MAPK8IP3: variants seen among roughly 807,000 people sequenced by gnomAD.
The protein encoded by MAPK8IP3 is mitogen-activated protein kinase 8 interacting protein 3, also known as C-Jun-amino-terminal kinase-interacting protein 3.
A neutral mutation model predicts 157.8 loss-of-function variants in MAPK8IP3; 49 were observed. That is an observed-to-expected ratio of 0.31 (90% CI 0.25 to 0.39). MAPK8IP3 has a LOEUF of 0.39. MAPK8IP3 is among the 10% of genes least tolerant of loss of function. The probability of loss-of-function intolerance (pLI) is 1.00; values close to 1 mark genes in which losing one functional copy is unlikely to be tolerated. For missense variants in MAPK8IP3, 1,478 were observed against 1,889.4 expected, an observed-to-expected ratio of 0.78 and a Z score of 4.04; for synonymous variants, 897 against 777.7, an observed-to-expected ratio of 1.15 and a Z score of -2.55.
chr16:1,757,888 A>C (rs1324834956), intron 8 of MAPK8IP3, among the ~76,000 whole-genome samples: 2 of 152,172 alleles, frequency 1.3e-5, no homozygotes, highest in Non-Finnish European at 2.9e-5. Flanking sequence ...AGAGGGCAGC[A>C]GGCTTCCGGG....
At chr16:1,737,583 C>CAT in intron 4 of MAPK8IP3, among the ~76,000 whole-genome samples, 1 of 64,294 alleles carries the variant, frequency 1.6e-5, no homozygotes, top group South Asian at 1.0e-3. Flanking sequence ...TGTGACCGTC[C>CAT]GTGAGCATCC....
At chr16:1,713,317 G>A (rs1044960692) in intron 1 of MAPK8IP3, among the ~76,000 whole-genome samples, 4 of 152,158 alleles carry the variant, frequency 2.6e-5, no homozygotes, top group Non-Finnish European at 4.4e-5. Flanking sequence ...CTTCTGGACC[G>A]AAGCAATCCT....
rs1169631942 is a variant in MAPK8IP3, at chr16:1,743,588, C to T, written c.747+112C>T. ...GCCCTTCACGGCTCTCTGGGCCACT[C>T]GCCCTCTCCCTTCGTGTGTGGCAGG... is the stretch of plus-strand genomic sequence containing the variant. On this transcript the variant is annotated intron_variant, in intron 5 of 31. Transcript: ENST00000610761. This position sits in a 1 kb window ranked among gnomAD's most constrained non-coding sequence, Gnocchi z 5.6. 3.4e-6 allele frequency: 5 copies of T among 1,481,914 alleles called. No individual in the cohort carries two copies. The highest frequency in any genetic ancestry group is 1.3e-5 in the South Asian group (1 of 76,656). 91.8% of individuals were successfully genotyped at this position (1,481,914 alleles called of 1,614,324 possible). A position where few individuals can be genotyped will look rare whatever the true frequency, so the allele number is the denominator to read the frequency against.
At chr16:1,764,745 C>T (rs1051224882) in intron 19 of MAPK8IP3, among the ~76,000 whole-genome samples, 2 of 152,176 alleles carry the variant, frequency 1.3e-5, no homozygotes, top group South Asian at 4.1e-4. Flanking sequence ...GCAGAGCTTG[C>T]CTCCCAGTGG....
rs146924349 is a variant in MAPK8IP3, at chr16:1,727,808, G to A, written c.440-1330G>A. On this transcript the variant is annotated intron_variant, in intron 2 of 31. Transcript: ENST00000610761. ...GCGAGAGCCCAGCGTAGGCCGCCGC[G>A]GCCTCCAAGGATGTGCCAGGCCAGT... is the stretch of plus-strand genomic sequence containing the variant. Among the ~76,000 whole-genome samples the A allele has an allele frequency of 4.6e-5, 7 of 152,276 alleles. No individual in the cohort carries two copies. The East Asian group carries it at 5.8e-4, about 13-fold the overall frequency.
intron 1 of MAPK8IP3, among the ~76,000 whole-genome samples, chr16:1,716,784 C>T (rs1356513246): frequency 6.6e-6 from 1 of 152,002 alleles, no homozygotes; most frequent in Non-Finnish European, 1.5e-5. Flanking sequence ...TATGACCAGG[C>T]GCAGTGGTTC....
At chr16:1,767,045 G>A in intron 25 of MAPK8IP3, 74 bp downstream of exon 25, 3 of 1,571,112 alleles carry the variant, frequency 1.9e-6, no homozygotes, top group South Asian at 2.3e-5. Context: ...GGGCTCCCGG[G>A]GTTCCAGGCC....
intron 1 of MAPK8IP3, among the ~76,000 whole-genome samples, chr16:1,717,239 A>G (rs2038213040): frequency 6.7e-6 from 1 of 148,842 alleles, no homozygotes; most frequent in Non-Finnish European, 1.5e-5. Context: ...CCATCTCAAA[A>G]AAAAAAAAAA....
At chr16:1,762,244 A>G (rs2041995429) in intron 13 of MAPK8IP3, 107 bp from the exon 14 acceptor site, 1 of 1,391,138 alleles carries the variant, frequency 7.2e-7, no homozygotes, top group Non-Finnish European at 9.5e-7. Flanking sequence ...GAGGATCTGA[A>G]GGAAATTGGC....
intron 4 of MAPK8IP3, among the ~76,000 whole-genome samples, chr16:1,737,448 G>A (rs1387919405): frequency 3.7e-5 from 4 of 109,002 alleles, no homozygotes; most frequent in Non-Finnish European, 5.7e-5. Context: ...GAGCGTCCGT[G>A]TGAGTGTGAC....
chr16:1,738,984 A>ATCCG (rs2040363878), intron 4 of MAPK8IP3, among the ~76,000 whole-genome samples: 1 of 87,234 alleles, frequency 1.1e-5, no homozygotes, highest in African/African-American at 4.6e-5. Context: ...CCGTGTGAGC[A>ATCCG]TGTGAGCATC....
At chr16:1,712,534 G>A (rs868780520) in intron 1 of MAPK8IP3, among the ~76,000 whole-genome samples, 6 of 152,164 alleles carry the variant, frequency 3.9e-5, no homozygotes, top group African/African-American at 1.4e-4. Flanking sequence ...CCAGGCAGGG[G>A]GATTAGCTGA....
Position 1,743,948 on chromosome 16 carries a change from C to T in MAPK8IP3, c.747+472C>T, listed in dbSNP as rs1237383045. 31 of 1,005,262 alleles carry T rather than the reference C, an allele frequency of 3.1e-5. No individual in the cohort carries two copies. The highest frequency in any genetic ancestry group is 3.6e-5 in the Non-Finnish European group (30 of 843,006). 62.3% of individuals were successfully genotyped at this position (1,005,262 alleles called of 1,614,324 possible). A position where few individuals can be genotyped will look rare whatever the true frequency, so the allele number is the denominator to read the frequency against. Reference sequence around the variant, plus strand: ...CGTTGGCAGAAAGGTGAGGAGAAAGCTCCTCTTCTCTGGGCCCCTCCCTGC... The same window carrying T: ...CGTTGGCAGAAAGGTGAGGAGAAAGTTCCTCTTCTCTGGGCCCCTCCCTGC... On this transcript the variant is annotated intron_variant, in intron 5 of 31. Transcript: ENST00000610761. This position sits in a 1 kb window ranked among gnomAD's most constrained non-coding sequence, Gnocchi z 5.6.
At chr16:1,744,702 C>CG in intron 5 of MAPK8IP3, 1 of 985,484 alleles carries the variant, frequency 1.0e-6, no homozygotes, top group Non-Finnish European at 1.2e-6. Context: ...CTCTGGCCTC[C>CG]GGGCTGCCTC....
chr16:1,710,160 C>T lies in MAPK8IP3; in HGVS notation c.318+3503C>T, dbSNP rs2037675674. ...GAGAGATGAGGTCACGCTATGTTGC[C>T]CAGGCTGGTCTCAAACTCCTGGACT... On this transcript the variant is annotated intron_variant, in intron 1 of 31. Transcript: ENST00000610761. The surrounding 1 kb of genome is among the most constrained non-coding windows in gnomAD (Gnocchi z 4.1). Among the ~76,000 whole-genome samples, 1 of 151,504 alleles carries T rather than the reference C, an allele frequency of 6.6e-6. No homozygotes were observed. Among genetic ancestry groups the T allele is most frequent in the South Asian group, 2.1e-4 (1 of 4,808 alleles).
chr16:1,747,800 T>A (rs1285275817), intron 6 of MAPK8IP3, among the ~76,000 whole-genome samples: 2 of 151,912 alleles, frequency 1.3e-5, no homozygotes, highest in Non-Finnish European at 2.9e-5. Flanking sequence ...CACTAACCAG[T>A]AACCTGCATC....
rs190541910 is a variant in MAPK8IP3, at chr16:1,712,014, G to A, written c.318+5357G>A. 2.3e-3 allele frequency among the ~76,000 whole-genome samples: 321 copies of A among 141,408 alleles called. 1 individual carries two copies. Among genetic ancestry groups the A allele is most frequent in the African/African-American group, 6.9e-3 (269 of 38,710 alleles). The allele number at this position is 141,408 out of a possible 152,430, so 92.8% of individuals were successfully genotyped here. A position where few individuals can be genotyped will look rare whatever the true frequency, so the allele number is the denominator to read the frequency against. ...CCCTTGTCACCCCAAGTATCTAGCC[G>A]CCACTAGGTCCTGGTGTTCTTTTGG... On this transcript the variant is annotated intron_variant, in intron 1 of 31. Transcript: ENST00000610761.
chr16:1,747,249 C>A lies in MAPK8IP3; in HGVS notation c.968C>A (p.Thr323Asn). Reference protein sequence around the residue: ...RDSRNMEVQVTQEMRNVSIGM... With the variant: ...RDSRNMEVQVNQEMRNVSIGM... ...AGCCGCAACATGGAAGTACAGGTCA[C>A]CCAGGAGATGCGCAACGTCAGTATA... The change falls in exon 6 of 32, where the codon ACC (threonine) becomes AAC (asparagine). Residue 323 changes from threonine (T) to asparagine (N), a missense_variant. Coordinates refer to ENST00000610761, the MANE Select transcript of MAPK8IP3 (RefSeq NM_001318852.2). 1 of 1,613,706 alleles carries A rather than the reference C, an allele frequency of 6.2e-7. No homozygotes were observed. Among genetic ancestry groups the A allele is most frequent in the Non-Finnish European group, 8.5e-7 (1 of 1,180,006 alleles).
intron 9 of MAPK8IP3, 63 bp downstream of exon 9, chr16:1,758,222 G>C: frequency 1.9e-6 from 3 of 1,589,794 alleles, no homozygotes; most frequent in Non-Finnish European, 2.6e-6. Flanking sequence ...GTGGACGGGG[G>C]ATGCCCCGAG....
Sources: gnomAD v4.1 joint callset for allele counts (sites outside exome capture counted in the v4.1 genomes callset) on GRCh38, gnomAD v4.1.1 for gene constraint, Gnocchi (gnomAD v3.1) non-coding constraint, MANE v1.5 for transcripts, NCBI Gene and HGNC (gene_info 2026-07-23, HGNC 2026-07-21) for gene names.